The following DHX40 variants were observed in gnomAD, a reference collection of about 807,000 sequenced individuals.
DHX40 encodes DEAH-box helicase 40, also known as probable ATP-dependent RNA helicase DHX40.
In DHX40, 28 loss-of-function variants were observed where a neutral mutation model predicts 89.6. The ratio of observed to expected loss-of-function variants is 0.31; its 90% CI spans 0.23 to 0.43. The LOEUF (loss-of-function observed/expected upper bound fraction) is 0.43, where lower values mean the gene tolerates loss of function less well. Among genes scored for constraint, DHX40 ranks in the 20% least tolerant of loss-of-function variants. The pLI is 1.00. For synonymous variants in DHX40, 226 were observed against 283.6 expected (o/e 0.80, Z 2.04); for missense variants, 457 against 844.0 (o/e 0.54, Z 5.68).
At position 59,572,629 on chromosome 17, in the gene DHX40, T is replaced by C. The variant is rs545120082; in HGVS notation, c.427-487T>C. On this transcript the variant is annotated intron_variant, in intron 3 of 17. Transcript: ENST00000251241. ...CCTGGACTCAAGTGATCCGCCCACCTCAGCAACCCAAAGTGCTGGGATTAC... is the reference window on the plus strand; with the variant it reads ...CCTGGACTCAAGTGATCCGCCCACCCCAGCAACCCAAAGTGCTGGGATTAC... 1.2e-3 allele frequency among the ~76,000 whole-genome samples: 177 copies of C among 152,292 alleles called. 1 individual carries two copies. The highest frequency in any genetic ancestry group is 3.9e-3 in the African/African-American group (162 of 41,560).
chr17:59,600,644 C>T (rs2030445529), intron 14 of DHX40, among the ~76,000 whole-genome samples: 1 of 151,362 alleles, frequency 6.6e-6, no homozygotes, highest in Non-Finnish European at 1.5e-5. Flanking sequence ...GCCAGGAGTT[C>T]AAGACCAGCC....
Position 59,573,857 on chromosome 17 carries a change from T to A in DHX40, c.664T>A (p.Phe222Ile). The change falls in exon 5 of 18, where the codon TTT (phenylalanine) becomes ATT (isoleucine). Residue 222 changes from phenylalanine to isoleucine, a missense_variant. By Grantham distance (21) the Phe-to-Ile change is conservative. Transcript: ENST00000251241. ...TMELAKLSAF[F>I]GNCPIFDIPG... ...GGAATTAGCCAAGCTCTCTGCATTC[T>A]TTGGAAATTGTCCAATATTTGATAT... The A allele has an allele frequency of 6.2e-7, 1 of 1,612,970 alleles. No individual in the cohort carries two copies. Among genetic ancestry groups the A allele is most frequent in the South Asian group, 1.1e-5 (1 of 90,978 alleles).
intron 10 of DHX40, among the ~76,000 whole-genome samples, chr17:59,583,570 G>C (rs533293146): frequency 0.05 from 6,913 of 138,660 alleles, 41 homozygotes; most frequent in African/African-American, 0.15. Flanking sequence ...TGGCTTATAC[G>C]TATGGCTCTG....
chr17:59,574,353 C>G, intron 6 of DHX40, 99 bp downstream of exon 6: 1 of 354,590 alleles, frequency 2.8e-6, no homozygotes, highest in Admixed American at 4.4e-5. Flanking sequence ...CTGTGCCCTT[C>G]TCAAGTGTTG....
At chr17:59,594,617 A>G (rs189712556) in intron 12 of DHX40, among the ~76,000 whole-genome samples, 286 of 149,844 alleles carry the variant, frequency 1.9e-3, no homozygotes, top group Non-Finnish European at 3.2e-3. Flanking sequence ...CAAACCTGGA[A>G]TAGCTCTAGG....
chr17:59,589,156 A>G (rs1280299123), intron 12 of DHX40, among the ~76,000 whole-genome samples: 1 of 149,814 alleles, frequency 6.7e-6, no homozygotes, highest in South Asian at 2.1e-4. Flanking sequence ...GGTCTTTTTC[A>G]TATAAACTTT....
chr17:59,569,105 G>A (rs1489593198), intron 2 of DHX40, among the ~76,000 whole-genome samples: 1 of 152,046 alleles, frequency 6.6e-6, no homozygotes, highest in Non-Finnish European at 1.5e-5. Flanking sequence ...GAGGCAGATG[G>A]ATCACTTGAG....
At chr17:59,571,920 C>T (rs909074847) in intron 3 of DHX40, among the ~76,000 whole-genome samples, 2 of 152,106 alleles carry the variant, frequency 1.3e-5, no homozygotes, top group Admixed American at 1.3e-4. Flanking sequence ...CTCCGGGTAC[C>T]TCATTCAAGT....
At chr17:59,588,453 TA>T (rs1186383703) in intron 12 of DHX40, among the ~76,000 whole-genome samples, 4 of 151,586 alleles carry the variant, frequency 2.6e-5, no homozygotes, top group Non-Finnish European at 5.9e-5. Flanking sequence ...CTTTGTGTTA[TA>T]TGGTTTTAGC....
intron 12 of DHX40, among the ~76,000 whole-genome samples, chr17:59,590,944 G>A (rs2049073355): frequency 6.6e-6 from 1 of 150,990 alleles, no homozygotes; most frequent in African/African-American, 2.4e-5. Context: ...AGACTGAGGT[G>A]GGATGATTGC....
rs773926655 is a variant in DHX40 at position 59,565,676 on chromosome 17, C to T, written c.5C>T (p.Ser2Phe). The change falls in exon 1 of 18, where the codon TCC becomes TTC. Residue 2 changes from serine to phenylalanine, a missense_variant. Physicochemically the swap from Ser to Phe is radical, Grantham distance 155 (BLOSUM62 -2). This residue lies in a region of DHX40 where 75 missense variants were observed against 76.8 expected (regional missense o/e 0.98). Coordinates refer to ENST00000251241, the MANE Select transcript of DHX40 (RefSeq NM_024612.5). ...CCTCCACTCGGGGCCAGGTCTATGT[C>T]CCGGTTTCCCGCAGTCGCGGGCAGG... Reference protein sequence around the residue: MSRFPAVAGRAP... With the variant: MFRFPAVAGRAP... 28 of 1,600,472 alleles carry T rather than the reference C, an allele frequency of 1.7e-5. No homozygotes were observed. Among genetic ancestry groups the T allele is most frequent in the Admixed American group, 1.5e-4 (9 of 59,922 alleles).
chr17:59,569,649 G>C (rs1478529698), intron 2 of DHX40, among the ~76,000 whole-genome samples: 1 of 145,162 alleles, frequency 6.9e-6, no homozygotes, highest in Non-Finnish European at 1.5e-5. Flanking sequence ...TCGCGCCACT[G>C]CATTCCAGCC....
intron 3 of DHX40, among the ~76,000 whole-genome samples, 190 bp from the exon 4 acceptor site, chr17:59,572,926 T>A (rs2048831585): frequency 6.6e-6 from 1 of 152,250 alleles, no homozygotes; most frequent in Non-Finnish European, 1.5e-5. Flanking sequence ...AGTGAGTTAT[T>A]TGTCCCTTTT....
At chr17:59,572,405 G>T (rs1307401606) in intron 3 of DHX40, among the ~76,000 whole-genome samples, 1 of 152,066 alleles carries the variant, frequency 6.6e-6, no homozygotes, top group Non-Finnish European at 1.5e-5. Flanking sequence ...TGGAGATAGT[G>T]TCTTACTAAG....
rs1292234805 is a variant in DHX40, at chr17:59,566,621, T to C, written c.113-6T>C. 2 of 1,575,564 alleles carry C rather than the reference T, an allele frequency of 1.3e-6. No homozygotes were observed. The highest frequency in any genetic ancestry group is 1.7e-6 in the Non-Finnish European group (2 of 1,169,252). On this transcript the variant is annotated splice_polypyrimidine_tract_variant and splice_region_variant and intron_variant, in intron 1 of 17. Transcript: ENST00000251241. ...TTTTAATTGACTTGTTTTTCTGTTA[T>C]TACAGAAGAGAAAGGATGCACGTCC...
chr17:59,605,616 A>C lies in DHX40; in HGVS notation c.2142A>C (p.Glu714Asp). ...ATTTGAGCAGTGTGGCCCGACGTGA[A>C]GTGAGAGAAGATGCAAGAAGGAGAT... is the stretch of plus-strand genomic sequence containing the variant. ...AHDLSSVARR[E>D]VREDARRRWT... Residue 714 changes from glutamate (E) to aspartate (D), a missense_variant, in exon 17 of 18, where the codon GAA becomes GAC. Physicochemically the swap from Glu to Asp is conservative, Grantham distance 45. Transcript: ENST00000251241. 1 of 1,614,160 alleles carries C rather than the reference A, an allele frequency of 6.2e-7. No individual in the cohort carries two copies. The highest frequency in any genetic ancestry group is 1.1e-5 in the South Asian group (1 of 91,084).
rs186501351 is a variant in DHX40 at position 59,575,085 on chromosome 17, A to G, written c.842-255A>G. On this transcript the variant is annotated intron_variant, in intron 6 of 17. Coordinates refer to ENST00000251241, the MANE Select transcript of DHX40 (RefSeq NM_024612.5). ...TTAACAATTTGGTGAGTCTTCTCAA[A>G]TACAGGGTGAAAAGCTTGACGATGA... Among the ~76,000 whole-genome samples the G allele has an allele frequency of 3.3e-5, 5 of 152,070 alleles. No individual in the cohort carries two copies. In the East Asian group the frequency reaches 9.6e-4, roughly 29 times the overall value.
At position 59,602,284 on chromosome 17, in the gene DHX40, G is replaced by A. The variant is rs141089614; in HGVS notation, c.1807-238G>A. Among the ~76,000 whole-genome samples, 3 of 152,206 alleles carry A rather than the reference G, an allele frequency of 2.0e-5. No homozygotes were observed. In the East Asian group the frequency reaches 5.8e-4, roughly 29 times the overall value. On this transcript the variant is annotated intron_variant, in intron 14 of 17. Transcript: ENST00000251241. Reference sequence around the variant, plus strand: ...AAGGCTGAAGTTGGGGCAGTTGTTGGGCGTACTGCGTTTATTTCCTGTCTC... The same window carrying A: ...AAGGCTGAAGTTGGGGCAGTTGTTGAGCGTACTGCGTTTATTTCCTGTCTC...
chr17:59,576,504 A>G (rs961615928), intron 7 of DHX40, among the ~76,000 whole-genome samples: 4 of 152,176 alleles, frequency 2.6e-5, no homozygotes, highest in Non-Finnish European at 4.4e-5. Context: ...TCTTATCCCT[A>G]TATTAACAAA....
Sources: gnomAD v4.1 joint callset for allele counts (sites outside exome capture counted in the v4.1 genomes callset) on GRCh38, gnomAD v4.1.1 for gene constraint, gnomAD v4.1.1 regional missense constraint, MANE v1.5 for transcripts, NCBI Gene and HGNC (gene_info 2026-07-23, HGNC 2026-07-21) for gene names.